FZD3: variants seen among roughly 807,000 people sequenced by gnomAD.
The protein encoded by FZD3 is frizzled-3.
In FZD3, 30 loss-of-function variants were observed where a neutral mutation model predicts 60.7. The ratio of observed to expected loss-of-function variants is 0.49; its 90% CI spans 0.37 to 0.67. FZD3 has a LOEUF of 0.67. Among genes scored for constraint, FZD3 ranks in the 30% least tolerant of loss-of-function variants. The pLI, the probability that FZD3 is intolerant of heterozygous loss-of-function variation, is 0.00. For synonymous variants in FZD3, 246 were observed against 275.2 expected (o/e 0.89, Z 1.05); for missense variants, 605 against 838.7 (o/e 0.72, Z 3.44).
intron 3 of FZD3, among the ~76,000 whole-genome samples, chr8:28,513,257 G>A (rs1804335815): frequency 6.6e-6 from 1 of 152,126 alleles, no homozygotes; most frequent in South Asian, 2.1e-4. Flanking sequence ...AATTTGGTTT[G>A]TAAAGCTTTA....
chr8:28,498,490 A>G (rs2130256841), intron 1 of FZD3, among the ~76,000 whole-genome samples: 1 of 152,366 alleles, frequency 6.6e-6, no homozygotes, highest in East Asian at 1.9e-4. Flanking sequence ...GAAAAATGGC[A>G]TACTCACATA....
In FZD3 at chr8:28,504,526, G is replaced by A. The variant is rs535417979; in HGVS notation, c.189+1324G>A. Among the ~76,000 whole-genome samples the A allele has an allele frequency of 3.3e-5, 5 of 152,310 alleles. No individual in the cohort carries two copies. The East Asian group carries it at 9.6e-4, about 29-fold the overall frequency. On this transcript the variant is annotated intron_variant, in intron 3 of 7. Transcript: ENST00000240093. ...TAAGAAGCAGGTCATAAAGATGTTT[G>A]TCCTGACTTGGGTTCAACTTTTGGC... is the stretch of plus-strand genomic sequence containing the variant.
At chr8:28,529,726 C>T (rs1804813160) in intron 5 of FZD3, among the ~76,000 whole-genome samples, 1 of 151,894 alleles carries the variant, frequency 6.6e-6, no homozygotes, top group Non-Finnish European at 1.5e-5. Flanking sequence ...AAAAATAAAC[C>T]AACTCATAAC....
At chr8:28,506,278 G>C (rs1804138646) in intron 3 of FZD3, among the ~76,000 whole-genome samples, 1 of 152,198 alleles carries the variant, frequency 6.6e-6, no homozygotes. Context: ...AGAAGCACTA[G>C]AATAGGGATA....
Position 28,551,805 on chromosome 8 carries a change from T to G in FZD3, c.1553+54T>G, listed in dbSNP as rs557725276. On this transcript the variant is annotated intron_variant, in intron 6 of 7. Coordinates refer to ENST00000240093, the MANE Select transcript of FZD3 (RefSeq NM_017412.4). ...CACAAACCTCACATTTACGTAAATTTTTTTGTGTTGCTTATGTTAAAATGA... is the reference window on the plus strand; with the variant it reads ...CACAAACCTCACATTTACGTAAATTGTTTTGTGTTGCTTATGTTAAAATGA... 3.5e-4 allele frequency: 495 copies of G among 1,415,760 alleles called. 7 individuals carry two copies. In the South Asian group the frequency reaches 5.6e-3, roughly 16 times the overall value. The allele number at this position is 1,415,760 out of a possible 1,614,324, so 87.7% of individuals were successfully genotyped here.
intron 1 of FZD3, among the ~76,000 whole-genome samples, chr8:28,496,584 A>G (rs972529399): frequency 7.2e-5 from 11 of 152,206 alleles, no homozygotes; most frequent in African/African-American, 2.7e-4. Flanking sequence ...AATGTGTGGT[A>G]GAGTCTCGAG....
rs1220168743 is a variant in FZD3, at chr8:28,570,055, A to G, written c.*7044A>G. The G allele has an allele frequency of 6.6e-6, 1 of 152,236 alleles. No individual in the cohort carries two copies. The highest frequency in any genetic ancestry group is 1.9e-4 in the East Asian group (1 of 5,204). 9.4% of individuals were successfully genotyped at this position (152,236 alleles called of 1,614,324 possible). ...CTGCATTCTTAGGTTTATTACATAAATATAGTTGCCAGATTGCCATGGGCA... is the reference window on the plus strand; with the variant it reads ...CTGCATTCTTAGGTTTATTACATAAGTATAGTTGCCAGATTGCCATGGGCA... On this transcript the variant is annotated 3_prime_UTR_variant, in exon 8 of 8. Transcript: ENST00000240093.
chr8:28,510,355 GTGTTAC>G (rs1341812355), intron 3 of FZD3, among the ~76,000 whole-genome samples: 3 of 152,184 alleles, frequency 2.0e-5, no homozygotes, highest in Non-Finnish European at 4.4e-5. Flanking sequence ...ATAAATGTAT[GTGTTAC>G]TTTCCTTGAT....
At chr8:28,555,204 A>G (rs1585192628) in intron 6 of FZD3, among the ~76,000 whole-genome samples, 1 of 152,214 alleles carries the variant, frequency 6.6e-6, no homozygotes, top group East Asian at 1.9e-4. Flanking sequence ...GCTTCTGCAT[A>G]AAATTAACTC....
At chr8:28,545,198 C>T (rs1000927848) in intron 5 of FZD3, among the ~76,000 whole-genome samples, 34 of 152,190 alleles carry the variant, frequency 2.2e-4, no homozygotes, top group African/African-American at 8.2e-4. Flanking sequence ...AGATGCAGCC[C>T]CCTGCCTCCA....
chr8:28,530,789 G>C (rs913789465), intron 5 of FZD3, among the ~76,000 whole-genome samples: 1 of 102,112 alleles, frequency 9.8e-6, no homozygotes, highest in African/African-American at 3.8e-5. Context: ...CAATACATAC[G>C]TAGTTATAAA....
intron 7 of FZD3, among the ~76,000 whole-genome samples, chr8:28,562,512 C>T (rs1268065338): frequency 1.3e-5 from 2 of 152,168 alleles, no homozygotes; most frequent in Non-Finnish European, 2.9e-5. Context: ...AGAAAGGTAT[C>T]CATATCGAGT....
At chr8:28,532,091 T>C (rs1000281345) in intron 5 of FZD3, among the ~76,000 whole-genome samples, 1 of 152,222 alleles carries the variant, frequency 6.6e-6, no homozygotes. Flanking sequence ...ATTTATCAAA[T>C]AGTTCATCTA....
rs1804731491 is a variant in FZD3 at position 28,527,048 on chromosome 8, A to G, written c.387-99A>G. ...CATATTACATTTGCTCTCCAGGAATAAATAAGGTTGTGAGTGCCAGATTTG... is the reference window on the plus strand; with the variant it reads ...CATATTACATTTGCTCTCCAGGAATGAATAAGGTTGTGAGTGCCAGATTTG... On this transcript the variant is annotated intron_variant, in intron 4 of 7. Transcript: ENST00000240093. This position sits in a 1 kb window ranked among gnomAD's most constrained non-coding sequence, Gnocchi z 5.0. 1.1e-6 allele frequency: 1 copy of G among 946,644 alleles called. No homozygotes were observed. The highest frequency in any genetic ancestry group is 1.6e-6 in the Non-Finnish European group (1 of 620,668). The allele number at this position is 946,644 out of a possible 1,614,324, so 58.6% of individuals were successfully genotyped here.
At chr8:28,501,815 C>G (rs28711655) in intron 2 of FZD3, among the ~76,000 whole-genome samples, 7,445 of 152,212 alleles carry the variant, frequency 0.049, 545 homozygotes, top group African/African-American at 0.17. Flanking sequence ...CTCTGTGCAG[C>G]ATGGCTGTGT....
At position 28,566,334 on chromosome 8, in the gene FZD3, TTTTA is replaced by T. The variant is rs1805705571; in HGVS notation, c.*3324_*3327del. 6.6e-6 allele frequency: 1 copy of T among 152,230 alleles called. No homozygotes were observed. The highest frequency in any genetic ancestry group is 6.5e-5 in the Admixed American group (1 of 15,284). The allele number at this position is 152,230 out of a possible 1,614,324, so 9.4% of individuals were successfully genotyped here. On this transcript the variant is annotated 3_prime_UTR_variant, in exon 8 of 8. Transcript: ENST00000240093. ...TATATGTACAGACATGTACCAATCC[TTTTA>T]ATTAATTTTAGAAGATGAACAGTGA... is the stretch of plus-strand genomic sequence containing the variant.
intron 5 of FZD3, among the ~76,000 whole-genome samples, chr8:28,543,506 G>A (rs1364650562): frequency 2.6e-5 from 4 of 151,960 alleles, no homozygotes; most frequent in African/African-American, 4.8e-5. Context: ...TCAGCTTCCC[G>A]AGCAGCTGGG....
chr8:28,521,851 T>C (rs28514455), intron 4 of FZD3, among the ~76,000 whole-genome samples: 3,263 of 152,340 alleles, frequency 0.021, 107 homozygotes, highest in African/African-American at 0.074. Context: ...TTAGGTTGTT[T>C]CCAGATTTTT....
chr8:28,561,114 T>C (rs1231317358), intron 7 of FZD3, among the ~76,000 whole-genome samples: 1 of 152,238 alleles, frequency 6.6e-6, no homozygotes, highest in Admixed American at 6.5e-5. Flanking sequence ...TGGAGTGCAA[T>C]GGCACGATCT....
Sources: gnomAD v4.1 joint callset for allele counts (sites outside exome capture counted in the v4.1 genomes callset) on GRCh38, gnomAD v4.1.1 for gene constraint, Gnocchi (gnomAD v3.1) non-coding constraint, MANE v1.5 for transcripts, NCBI Gene and HGNC (gene_info 2026-07-23, HGNC 2026-07-21) for gene names.